The following CAMTA1 variants were observed in gnomAD, a reference collection of about 807,000 sequenced individuals.
CAMTA1 encodes calmodulin binding transcription activator 1.
CAMTA1 carries 27 observed loss-of-function variants against 170.9 expected under a neutral mutation model. That is an observed-to-expected ratio of 0.16 (90% CI 0.12 to 0.22). The LOEUF is 0.22. Among genes scored for constraint, CAMTA1 ranks in the 10% least tolerant of loss-of-function variants. The pLI is 1.00. For missense variants in CAMTA1, 1,619 were observed against 2,217.2 expected (o/e 0.73, Z 5.42); for synonymous variants, 833 against 891.5 (o/e 0.93, Z 1.17).
intron 3 of CAMTA1, among the ~76,000 whole-genome samples, chr1:7,060,100 T>G (rs2101733660): frequency 6.6e-6 from 1 of 152,328 alleles, no homozygotes; most frequent in South Asian, 2.1e-4. Context: ...GTAATTTGCA[T>G]GATGGGGACC....
rs1292823913 is a variant in CAMTA1, at chr1:7,634,162, G to C, written c.511-6238G>C. Among the ~76,000 whole-genome samples the C allele has an allele frequency of 6.6e-6, 1 of 152,180 alleles. No individual in the cohort carries two copies. The highest frequency in any genetic ancestry group is 2.4e-5 in the African/African-American group (1 of 41,448). On this transcript the variant is annotated intron_variant, in intron 6 of 22. Transcript: ENST00000303635. The surrounding 1 kb of genome is among the most constrained non-coding windows in gnomAD (Gnocchi z 6.2). ...TTGGGGAAGGGAGGAGCAGACGTGAGGACACCCGGGAGGAGGGCACACTCC... is the reference window on the plus strand; with the variant it reads ...TTGGGGAAGGGAGGAGCAGACGTGACGACACCCGGGAGGAGGGCACACTCC...
chr1:6,916,890 T>C (rs1680925813), intron 3 of CAMTA1, among the ~76,000 whole-genome samples: 1 of 152,220 alleles, frequency 6.6e-6, no homozygotes, highest in Non-Finnish European at 1.5e-5. Context: ...GAGCTTGCCG[T>C]GAGCTTCCAC....
chr1:6,842,337 G>A lies in CAMTA1; in HGVS notation c.234+17127G>A, dbSNP rs531461816. Among the ~76,000 whole-genome samples the A allele has an allele frequency of 4.6e-5, 7 of 152,322 alleles. No homozygotes were observed. In the East Asian group the frequency reaches 1.4e-3, roughly 29 times the overall value. On this transcript the variant is annotated intron_variant, in intron 3 of 22. Transcript: ENST00000303635. ...CGCCCTCGCCGTGAGGCTCAGAAGA[G>A]CCAGGCCTCCTCCTGCTCCTAGTCC... is the stretch of plus-strand genomic sequence containing the variant.
chr1:7,036,732 T>C (rs1703651695), intron 3 of CAMTA1, among the ~76,000 whole-genome samples: 1 of 152,240 alleles, frequency 6.6e-6, no homozygotes, highest in South Asian at 2.1e-4. Context: ...TCGGGCATAG[T>C]TTGTTACGTT....
At chr1:6,959,502 G>T (rs1219645653) in intron 3 of CAMTA1, among the ~76,000 whole-genome samples, 1 of 67,442 alleles carries the variant, frequency 1.5e-5, no homozygotes, top group South Asian at 7.3e-4. Flanking sequence ...ACCGGGTCCC[G>T]GGCAGGGGAT....
At chr1:6,947,130 G>A (rs1249698948) in intron 3 of CAMTA1, among the ~76,000 whole-genome samples, 1 of 152,146 alleles carries the variant, frequency 6.6e-6, no homozygotes, top group East Asian at 1.9e-4. Context: ...ATAAGTGTGA[G>A]GGTTAACTTC....
intron 3 of CAMTA1, among the ~76,000 whole-genome samples, chr1:7,069,766 A>T (rs923787304): frequency 6.6e-5 from 10 of 152,180 alleles, no homozygotes; most frequent in Admixed American, 5.2e-4. Context: ...AACTGGATCC[A>T]TTTGCCAAAT....
At position 7,304,740 on chromosome 1, in the gene CAMTA1, C is replaced by T. The variant is rs1160947708; in HGVS notation, c.438+55114C>T. 6.0e-5 allele frequency among the ~76,000 whole-genome samples: 9 copies of T among 150,974 alleles called. 1 individual carries two copies. Among genetic ancestry groups the T allele is most frequent in the South Asian group, 4.2e-4 (2 of 4,792 alleles). ...TTAGATTGTTGGTTTTTTTTCTTAT[C>T]GGTTAGAAGATGCTCTTTATATATT... On this transcript the variant is annotated intron_variant, in intron 5 of 22. Transcript: ENST00000303635.
intron 6 of CAMTA1, among the ~76,000 whole-genome samples, chr1:7,587,526 T>G (rs879406566): frequency 1.3e-5 from 2 of 152,096 alleles, no homozygotes; most frequent in African/African-American, 2.4e-5. Flanking sequence ...GATGATATGT[T>G]TCTAAATTAT....
chr1:7,681,841 C>G lies in CAMTA1; in HGVS notation c.2914+4108C>G, dbSNP rs1366524269. On this transcript the variant is annotated intron_variant, in intron 11 of 22. Transcript: ENST00000303635. The surrounding 1 kb of genome is among the most constrained non-coding windows in gnomAD (Gnocchi z 4.6). ...TGGAGCTGAGGGGATGGGGCGGGCC[C>G]TCTTCTGGCCAAGGACACTGGGACA... Among the ~76,000 whole-genome samples, 1 of 152,222 alleles carries G rather than the reference C, an allele frequency of 6.6e-6. No homozygotes were observed. The highest frequency in any genetic ancestry group is 1.5e-5 in the Non-Finnish European group (1 of 68,040).
chr1:7,752,383 CTG>C, intron 20 of CAMTA1, 74 bp from the exon 21 acceptor site: 2 of 1,251,092 alleles, frequency 1.6e-6, no homozygotes, highest in Non-Finnish European at 2.3e-6. Flanking sequence ...TCAGAGTCCT[CTG>C]TCACTGCTGA....
At chr1:7,704,567 C>A (rs2096485225) in intron 11 of CAMTA1, among the ~76,000 whole-genome samples, 1 of 148,690 alleles carries the variant, frequency 6.7e-6, no homozygotes, top group African/African-American at 2.4e-5. Flanking sequence ...GCAGTCCCCG[C>A]GCCGAGCGGC....
chr1:7,498,396 A>C (rs1035563623), intron 6 of CAMTA1, among the ~76,000 whole-genome samples: 1 of 147,464 alleles, frequency 6.8e-6, no homozygotes, highest in African/African-American at 2.5e-5. Flanking sequence ...TGTGTGAGTG[A>C]ATGTGTATGA....
At chr1:7,344,921 T>G (rs889733708) in intron 5 of CAMTA1, among the ~76,000 whole-genome samples, 2 of 146,806 alleles carry the variant, frequency 1.4e-5, no homozygotes, top group Middle Eastern at 3.4e-3. Context: ...TAATTTTTTT[T>G]GTATTTTTTT....
At chr1:7,459,186 G>T (rs536035666) in intron 5 of CAMTA1, among the ~76,000 whole-genome samples, 3 of 152,292 alleles carry the variant, frequency 2.0e-5, no homozygotes, top group African/African-American at 7.2e-5. Flanking sequence ...GATGACGCTT[G>T]TTTGAATCCT....
chr1:6,895,769 T>C (rs1358618490), intron 3 of CAMTA1, among the ~76,000 whole-genome samples: 1 of 152,214 alleles, frequency 6.6e-6, no homozygotes, highest in African/African-American at 2.4e-5. Flanking sequence ...TCAAATGTTA[T>C]ATCCTCAGAG....
intron 3 of CAMTA1, among the ~76,000 whole-genome samples, chr1:7,016,640 C>T (rs1390616036): frequency 1.3e-5 from 2 of 152,198 alleles, no homozygotes; most frequent in South Asian, 4.1e-4. Flanking sequence ...TCAAGACCAG[C>T]CTGGCTAACA....
chr1:6,899,554 G>GCACACACACA (rs70984034), intron 3 of CAMTA1, among the ~76,000 whole-genome samples: 3,180 of 141,114 alleles, frequency 0.023, 51 homozygotes, highest in Admixed American at 0.048. Context: ...ACGCGCGCGC[G>GCACACACACA]CACACACACA....
chr1:7,418,264 C>T (rs181276283), intron 5 of CAMTA1, among the ~76,000 whole-genome samples: 2 of 152,150 alleles, frequency 1.3e-5, no homozygotes, highest in Non-Finnish European at 1.5e-5. Context: ...GGTGCAATCT[C>T]GGCTCACTGC....
Sources: gnomAD v4.1 joint callset for allele counts (sites outside exome capture counted in the v4.1 genomes callset) on GRCh38, gnomAD v4.1.1 for gene constraint, Gnocchi (gnomAD v3.1) non-coding constraint, MANE v1.5 for transcripts, NCBI Gene and HGNC (gene_info 2026-07-23, HGNC 2026-07-21) for gene names.